The following IL1RAPL1 variants were observed in gnomAD, a reference collection of about 807,000 sequenced individuals.
The protein encoded by IL1RAPL1 is interleukin-1 receptor accessory protein-like 1.
In IL1RAPL1, 3 loss-of-function variants were observed where a neutral mutation model predicts 48.4. The ratio of observed to expected loss-of-function variants is 0.06; its 90% CI spans 0.03 to 0.16. The LOEUF is 0.16. Among genes scored for constraint, IL1RAPL1 ranks in the 10% least tolerant of loss-of-function variants. The pLI is 1.00. For synonymous variants in IL1RAPL1, 185 were observed against 187.7 expected, an observed-to-expected ratio of 0.99 and a Z score of 0.12; for missense variants, 349 against 530.6, an observed-to-expected ratio of 0.66 and a Z score of 3.36.
intron 5 of IL1RAPL1, among the ~76,000 whole-genome samples, chrX:29,414,185 G>C (rs1489053202): frequency 9.0e-6 from 1 of 110,808 alleles, no homozygotes; most frequent in Non-Finnish European, 1.9e-5. Flanking sequence ...TTAAAGGTTG[G>C]GGAACAGGGG....
chrX:29,326,065 T>C (rs1179400152), intron 3 of IL1RAPL1, among the ~76,000 whole-genome samples: 5 of 112,145 alleles, frequency 4.5e-5, no homozygotes, highest in African/African-American at 1.6e-4. Flanking sequence ...ACCATAAGAT[T>C]TGGAGGGGAC....
rs1260716607 is a variant in IL1RAPL1, at chrX:29,898,398, G to A, written c.779-19066G>A. On this transcript the variant is annotated intron_variant, in intron 6 of 10. Coordinates refer to ENST00000378993, the MANE Select transcript of IL1RAPL1 (RefSeq NM_014271.4). ...TGGTGTTTGATTCAGAATGCGCATCGTATCAGCAACACTTGCCATCGACCA... is the reference window on the plus strand; with the variant it reads ...TGGTGTTTGATTCAGAATGCGCATCATATCAGCAACACTTGCCATCGACCA... 4.5e-5 allele frequency among the ~76,000 whole-genome samples: 5 copies of A among 111,836 alleles called. No individual in the cohort carries two copies. The East Asian group carries it at 1.4e-3, about 31-fold the overall frequency.
chrX:29,674,703 T>C (rs2147102532), intron 6 of IL1RAPL1, among the ~76,000 whole-genome samples: 1 of 111,554 alleles, frequency 9.0e-6, no homozygotes, highest in Admixed American at 9.5e-5. Context: ...TTTTTTCTTC[T>C]CTCTCTCTCT....
chrX:29,888,661 G>A (rs2147219777), intron 6 of IL1RAPL1, among the ~76,000 whole-genome samples: 1 of 111,473 alleles, frequency 9.0e-6, no homozygotes, highest in African/African-American at 3.3e-5. Flanking sequence ...AGAAAAAAAT[G>A]CATATCTTGT....
intron 3 of IL1RAPL1, among the ~76,000 whole-genome samples, chrX:29,301,431 A>G (rs1932532968): frequency 8.9e-6 from 1 of 112,120 alleles, no homozygotes; most frequent in Non-Finnish European, 1.9e-5. Context: ...TCTGCCACAT[A>G]GCTACCATTT....
chrX:28,748,543 ATAATAT>A (rs1023325599), intron 1 of IL1RAPL1, among the ~76,000 whole-genome samples: 11 of 112,092 alleles, frequency 9.8e-5, no homozygotes, highest in Admixed American at 1.9e-4. Context: ...TTTTCACAAA[ATAATAT>A]TAATATAAAT....
intron 2 of IL1RAPL1, among the ~76,000 whole-genome samples, chrX:29,080,623 T>C (rs771729271): frequency 9.2e-6 from 1 of 108,925 alleles, no homozygotes; most frequent in South Asian, 4.0e-4. Flanking sequence ...ACCATATTTT[T>C]CACTTAGAAT....
intron 5 of IL1RAPL1, among the ~76,000 whole-genome samples, chrX:29,584,257 C>G (rs1420073956): frequency 9.0e-6 from 1 of 111,498 alleles, no homozygotes; most frequent in Non-Finnish European, 1.9e-5. Flanking sequence ...CAGCAATTCT[C>G]CTTTTTCTCC....
chrX:28,884,678 A>G (rs1922587667), intron 2 of IL1RAPL1, among the ~76,000 whole-genome samples: 1 of 111,913 alleles, frequency 8.9e-6, no homozygotes, highest in Non-Finnish European at 1.9e-5. Context: ...GAATTCTGAG[A>G]TTGATTACTA....
chrX:28,618,719 G>A (rs1012621675), intron 1 of IL1RAPL1, among the ~76,000 whole-genome samples: 1 of 112,101 alleles, frequency 8.9e-6, no homozygotes, highest in African/African-American at 3.2e-5. Context: ...TTCCTATTCT[G>A]AGATTATAAA....
At chrX:29,109,511 G>A (rs1928518404) in intron 2 of IL1RAPL1, among the ~76,000 whole-genome samples, 1 of 109,580 alleles carries the variant, frequency 9.1e-6, no homozygotes, top group South Asian at 3.9e-4. Context: ...ATTTTAGGAC[G>A]CCTGATTTTG....
intron 2 of IL1RAPL1, among the ~76,000 whole-genome samples, chrX:29,081,198 CATGT>C (rs2147448835): frequency 9.8e-6 from 1 of 102,133 alleles, no homozygotes; most frequent in South Asian, 4.5e-4. Context: ...GGATTACAGG[CATGT>C]GCCACCACAC....
At chrX:29,181,295 T>A (rs1266123533) in intron 2 of IL1RAPL1, among the ~76,000 whole-genome samples, 1 of 111,818 alleles carries the variant, frequency 8.9e-6, no homozygotes, top group Non-Finnish European at 1.9e-5. Context: ...TATTCTCAGC[T>A]ATTTAATACT....
intron 6 of IL1RAPL1, among the ~76,000 whole-genome samples, chrX:29,711,851 A>T (rs1451127726): frequency 9.0e-6 from 1 of 111,656 alleles, no homozygotes; most frequent in East Asian, 2.8e-4. Flanking sequence ...TGAGAAATAT[A>T]AACGATCATT....
At chrX:29,732,702 C>G (rs1201162830) in intron 6 of IL1RAPL1, among the ~76,000 whole-genome samples, 1 of 111,988 alleles carries the variant, frequency 8.9e-6, no homozygotes, top group Non-Finnish European at 1.9e-5. Flanking sequence ...TCTGATGCAT[C>G]TTCTTTATGA....
intron 2 of IL1RAPL1, among the ~76,000 whole-genome samples, chrX:29,158,930 C>G (rs1420681470): frequency 3.1e-5 from 2 of 64,374 alleles, no homozygotes; most frequent in Non-Finnish European, 5.9e-5. Flanking sequence ...CTCTCTCTCT[C>G]TCCCCCCCCC....
At chrX:29,863,927 C>T (rs1931642522) in intron 6 of IL1RAPL1, among the ~76,000 whole-genome samples, 1 of 111,778 alleles carries the variant, frequency 8.9e-6, no homozygotes, top group Non-Finnish European at 1.9e-5. Flanking sequence ...GCTGGGATTA[C>T]AGGCGTGTGC....
rs1188198393 is a variant in IL1RAPL1, at chrX:29,171,083, A to G, written c.83-111855A>G. Among the ~76,000 whole-genome samples the G allele has an allele frequency of 2.7e-5, 3 of 110,086 alleles. No individual in the cohort carries two copies. In the Admixed American group the frequency reaches 2.9e-4, roughly 11 times the overall value. On this transcript the variant is annotated intron_variant, in intron 2 of 10. Transcript: ENST00000378993. The stretch of plus-strand genomic sequence containing the variant: ...ACGATCTCGGCTCACTGCAACCTCC[A>G]CCTCCCAGGTTCAAGCAATTCTCCT...
chrX:29,694,866 G>A (rs1310329500), intron 6 of IL1RAPL1, among the ~76,000 whole-genome samples: 1 of 111,523 alleles, frequency 9.0e-6, no homozygotes, highest in Non-Finnish European at 1.9e-5. Context: ...AGATGGATAT[G>A]GAAAGAGATC....
Sources: allele counts gnomAD v4.1 joint callset (sites outside exome capture counted in the v4.1 genomes callset), GRCh38; gene constraint gnomAD v4.1.1; transcripts MANE v1.5; gene names NCBI Gene and HGNC (gene_info 2026-07-23, HGNC 2026-07-21).